LEKR1: variants seen among roughly 807,000 people sequenced by gnomAD.
LEKR1 encodes leucine, glutamate and lysine rich 1.
Under a neutral mutation model 72.4 loss-of-function variants are expected in LEKR1, and 59 were observed. That is an observed-to-expected ratio of 0.82 (90% CI 0.66 to 1.01). LEKR1 has a LOEUF of 1.01. Among genes scored for constraint, LEKR1 ranks in the 50% least tolerant of loss-of-function variants. The pLI is 0.00. For missense variants in LEKR1, 728 were observed against 759.2 expected, an observed-to-expected ratio of 0.96 and a Z score of 0.48; for synonymous variants, 257 against 263.2, an observed-to-expected ratio of 0.98 and a Z score of 0.23.
chr3:156,995,256 A>G (rs1731469805), intron 9 of LEKR1, among the ~76,000 whole-genome samples: 1 of 152,202 alleles, frequency 6.6e-6, no homozygotes, highest in Non-Finnish European at 1.5e-5. Context: ...TTGCTTTGAA[A>G]TAGCATTCAC....
intron 3 of LEKR1, among the ~76,000 whole-genome samples, chr3:156,915,191 T>A (rs1225116682): frequency 6.6e-6 from 1 of 152,224 alleles, no homozygotes; most frequent in Non-Finnish European, 1.5e-5. Flanking sequence ...TCTTTGATAT[T>A]GTGAATAGTG....
intron 11 of LEKR1, among the ~76,000 whole-genome samples, chr3:157,026,206 T>C (rs1317136906): frequency 6.6e-6 from 1 of 152,180 alleles, no homozygotes; most frequent in African/African-American, 2.4e-5. Flanking sequence ...GCTTCCTGGC[T>C]CCTGATGCCC....
chr3:157,000,008 G>A (rs1422474520), intron 9 of LEKR1, among the ~76,000 whole-genome samples: 1 of 152,092 alleles, frequency 6.6e-6, no homozygotes, highest in East Asian at 1.9e-4. Context: ...GCTAAGTTTT[G>A]TCATCCTTTC....
intron 9 of LEKR1, among the ~76,000 whole-genome samples, chr3:157,006,187 A>G (rs541391169): frequency 4.9e-4 from 74 of 150,978 alleles, no homozygotes; most frequent in African/African-American, 1.7e-3. Flanking sequence ...TTGTATTTTT[A>G]GTAGAGACGG....
chr3:156,827,484 T>C (rs938080924), intron 1 of LEKR1, among the ~76,000 whole-genome samples: 3 of 152,218 alleles, frequency 2.0e-5, no homozygotes, highest in Non-Finnish European at 2.9e-5. Context: ...TAGAACACTA[T>C]GTTAAGCCCT....
intron 3 of LEKR1, among the ~76,000 whole-genome samples, chr3:156,854,754 A>G (rs958914149): frequency 5.3e-5 from 8 of 150,462 alleles, no homozygotes; most frequent in African/African-American, 1.5e-4. Flanking sequence ...CTGTTTTGCT[A>G]TGTTGCCTAT....
intron 9 of LEKR1, among the ~76,000 whole-genome samples, chr3:157,002,750 T>C (rs150517029): frequency 6.6e-6 from 1 of 152,260 alleles, no homozygotes; most frequent in East Asian, 1.9e-4. Context: ...ACCATATACT[T>C]TGTTAGAAAT....
intron 5 of LEKR1, among the ~76,000 whole-genome samples, chr3:156,931,760 A>G (rs1261030207): frequency 6.6e-6 from 1 of 152,166 alleles, no homozygotes; most frequent in Non-Finnish European, 1.5e-5. Flanking sequence ...ATATTGTATT[A>G]TTTCATTTAT....
chr3:156,979,453 C>T (rs777507276), intron 7 of LEKR1, 178 bp downstream of exon 7: 4 of 317,260 alleles, frequency 1.3e-5, no homozygotes, highest in Non-Finnish European at 2.5e-5. Context: ...GCCCACTTTA[C>T]TGGCCTAGAT....
intron 6 of LEKR1, among the ~76,000 whole-genome samples, chr3:156,963,652 G>A (rs6441104): frequency 0.18 from 27,710 of 151,902 alleles, 3,166 homozygotes; most frequent in African/African-American, 0.32. Flanking sequence ...CTAAATAGCA[G>A]CTGACATTCA....
chr3:156,965,040 A>C (rs1015624813), intron 6 of LEKR1, among the ~76,000 whole-genome samples: 6 of 152,106 alleles, frequency 3.9e-5, no homozygotes, highest in African/African-American at 1.4e-4. Flanking sequence ...TCTCATTATA[A>C]CTTATAAATA....
chr3:156,848,996 A>C (rs1038462029), intron 2 of LEKR1, among the ~76,000 whole-genome samples: 25 of 152,304 alleles, frequency 1.6e-4, no homozygotes, highest in Admixed American at 1.2e-3. Flanking sequence ...ATGATTGTAT[A>C]TCTAGAAAAC....
intron 5 of LEKR1, among the ~76,000 whole-genome samples, chr3:156,941,569 C>G (rs562296000): frequency 7.9e-5 from 12 of 152,206 alleles, no homozygotes; most frequent in African/African-American, 2.4e-4. Flanking sequence ...AAACCAACCA[C>G]TTTTGACATC....
At chr3:156,955,184 G>GTTTGTGA (rs1727513324) in intron 6 of LEKR1, among the ~76,000 whole-genome samples, 1 of 151,322 alleles carries the variant, frequency 6.6e-6, no homozygotes, top group Non-Finnish European at 1.5e-5. Flanking sequence ...GTATAGGAAT[G>GTTTGTGA]TTTTTGCACA....
At chr3:156,882,471 A>G (rs1218018691) in intron 3 of LEKR1, among the ~76,000 whole-genome samples, 2 of 152,222 alleles carry the variant, frequency 1.3e-5, no homozygotes, top group East Asian at 3.8e-4. Context: ...CACACCAGTT[A>G]GAATGGCAAT....
At chr3:156,958,033 TCTTGGTTG>T (rs1727805200) in intron 6 of LEKR1, among the ~76,000 whole-genome samples, 1 of 152,198 alleles carries the variant, frequency 6.6e-6, no homozygotes, top group African/African-American at 2.4e-5. Flanking sequence ...GTTACATTTC[TCTTGGTTG>T]AAATCATTTA....
At chr3:157,038,333 A>T (rs982936456) in intron 12 of LEKR1, among the ~76,000 whole-genome samples, 1 of 152,318 alleles carries the variant, frequency 6.6e-6, no homozygotes. Context: ...CTAGAAAAGA[A>T]ATACAATTGG....
intron 9 of LEKR1, among the ~76,000 whole-genome samples, chr3:156,995,326 C>T (rs560495110): frequency 1.3e-5 from 2 of 152,266 alleles, no homozygotes; most frequent in South Asian, 4.1e-4. Context: ...ATCTTACCCT[C>T]TAAATGTTGA....
intron 6 of LEKR1, among the ~76,000 whole-genome samples, chr3:156,962,552 G>A (rs1236979586): frequency 6.6e-6 from 1 of 152,122 alleles, no homozygotes; most frequent in Non-Finnish European, 1.5e-5. Flanking sequence ...CTTATAAAGG[G>A]ATCTCCTGTG....
Sources: allele counts gnomAD v4.1 joint callset (sites outside exome capture counted in the v4.1 genomes callset), GRCh38; gene constraint gnomAD v4.1.1; transcripts MANE v1.5; gene names NCBI Gene and HGNC (gene_info 2026-07-23, HGNC 2026-07-21).